ABCC1: variants seen among roughly 807,000 people sequenced by gnomAD.
ABCC1 encodes the protein ATP binding cassette subfamily C member 1 (ABCC1 blood group).
ABCC1 carries 83 observed loss-of-function variants against 172.9 expected under a neutral mutation model. That is an observed-to-expected ratio of 0.48 (90% CI 0.40 to 0.58). The LOEUF is 0.58. Among genes scored for constraint, ABCC1 ranks in the 20% least tolerant of loss-of-function variants. The probability of loss-of-function intolerance (pLI) is 0.00; values close to 1 mark genes in which losing one functional copy is unlikely to be tolerated. For synonymous variants in ABCC1, 937 were observed against 825.2 expected (o/e 1.14, Z -2.32); for missense variants, 1,817 against 2,002.7 (o/e 0.91, Z 1.77).
At chr16:15,998,164 C>T (rs557576771) in intron 1 of ABCC1, among the ~76,000 whole-genome samples, 104 of 52,786 alleles carry the variant, frequency 2.0e-3, no homozygotes, top group African/African-American at 6.6e-3. Context: ...CTCTGTCACC[C>T]AGGCTGGAGT....
At chr16:15,955,326 C>G (rs1353515460) in intron 1 of ABCC1, among the ~76,000 whole-genome samples, 1 of 152,128 alleles carries the variant, frequency 6.6e-6, no homozygotes, top group Non-Finnish European at 1.5e-5. Flanking sequence ...CCACTGCGCT[C>G]CAGCCTGGGT....
intron 5 of ABCC1, among the ~76,000 whole-genome samples, chr16:16,028,231 T>C (rs181522518): frequency 3.9e-5 from 6 of 152,312 alleles, no homozygotes; most frequent in African/African-American, 1.4e-4. Flanking sequence ...TTTTCCTTTG[T>C]TGCAGCTCTC....
intron 12 of ABCC1, among the ~76,000 whole-genome samples, chr16:16,057,584 C>G (rs187482722): frequency 6.8e-4 from 104 of 151,998 alleles, no homozygotes; most frequent in Non-Finnish European, 2.4e-4. Flanking sequence ...ATATTGTCCT[C>G]TCTTCCATCA....
intron 1 of ABCC1, among the ~76,000 whole-genome samples, chr16:16,005,438 C>A (rs2047493895): frequency 6.6e-6 from 1 of 151,776 alleles, no homozygotes; most frequent in Non-Finnish European, 1.5e-5. Flanking sequence ...ACCTCCGCCT[C>A]CTGGGTTCAA....
chr16:16,072,717 G>A (rs1567373124), intron 14 of ABCC1, among the ~76,000 whole-genome samples: 2 of 151,866 alleles, frequency 1.3e-5, no homozygotes, highest in African/African-American at 4.8e-5. Context: ...AGCCAGGGAT[G>A]TTGTTTGTAA....
intron 20 of ABCC1, among the ~76,000 whole-genome samples, chr16:16,103,822 C>G (rs956994491): frequency 6.6e-6 from 1 of 152,114 alleles, no homozygotes; most frequent in African/African-American, 2.4e-5. Context: ...TGGTTATGGT[C>G]CGGAATTGGT....
At chr16:16,045,762 G>A in intron 8 of ABCC1, 74 bp from the exon 9 acceptor site, 1 of 1,461,062 alleles carries the variant, frequency 6.8e-7, no homozygotes, top group East Asian at 2.3e-5. Context: ...AAGTTGCAGT[G>A]CCAACACTGA....
At chr16:16,126,763 CTTAA>C (rs1042526700) in intron 26 of ABCC1, among the ~76,000 whole-genome samples, 1 of 152,140 alleles carries the variant, frequency 6.6e-6, no homozygotes, top group African/African-American at 2.4e-5. Context: ...AAATTTTCCT[CTTAA>C]GTAAGTTGAG....
Position 16,068,081 on chromosome 16 carries a change from A to G in ABCC1, c.1678-75A>G, listed in dbSNP as rs2050181829. The G allele has an allele frequency of 9.5e-6, 15 of 1,581,172 alleles. No individual in the cohort carries two copies. The South Asian group carries it at 1.7e-4, about 18-fold the overall frequency. Reference sequence around the variant, plus strand: ...CTGGGGAGGGCCCAAGCGCGTCTCCAGGGCCTGTCACTGCTCCTAGGATGA... The same window carrying G: ...CTGGGGAGGGCCCAAGCGCGTCTCCGGGGCCTGTCACTGCTCCTAGGATGA... On this transcript the variant is annotated intron_variant, in intron 12 of 30. Transcript: ENST00000399410.
chr16:16,044,390 T>C, intron 7 of ABCC1, 60 bp from the exon 8 acceptor site: 1 of 1,443,950 alleles, frequency 6.9e-7, no homozygotes, highest in Non-Finnish European at 9.7e-7. Flanking sequence ...GCCATGTCCC[T>C]GTGGTAGGGG....
At chr16:16,122,750 G>A (rs2045227094) in intron 24 of ABCC1, among the ~76,000 whole-genome samples, 1 of 151,418 alleles carries the variant, frequency 6.6e-6, no homozygotes, top group African/African-American at 2.4e-5. Context: ...CCATCATGGT[G>A]GTGTGTGCCT....
At chr16:16,010,766 T>C (rs1267432061) in intron 3 of ABCC1, among the ~76,000 whole-genome samples, 1 of 152,216 alleles carries the variant, frequency 6.6e-6, no homozygotes, top group Non-Finnish European at 1.5e-5. Flanking sequence ...GTTCCCATCT[T>C]ACAGGTGAGG....
intron 26 of ABCC1, among the ~76,000 whole-genome samples, chr16:16,128,709 C>G (rs112725321): frequency 1.3e-5 from 2 of 152,228 alleles, no homozygotes; most frequent in African/African-American, 4.8e-5. Flanking sequence ...AAGAAAAAAT[C>G]AATACAGGGC....
intron 1 of ABCC1, among the ~76,000 whole-genome samples, chr16:15,975,029 C>T (rs886459583): frequency 3.3e-5 from 5 of 152,058 alleles, no homozygotes; most frequent in Admixed American, 6.5e-5. Context: ...TCAAGTGATC[C>T]CCCCCAGCCT....
chr16:15,966,409 TAAAAA>T (rs34914361), intron 1 of ABCC1, among the ~76,000 whole-genome samples: 3 of 138,900 alleles, frequency 2.2e-5, no homozygotes, highest in African/African-American at 8.1e-5. Context: ...GACTTTATCT[TAAAAA>T]AAAAAAAAAA....
At chr16:16,109,474 G>T (rs2152079953) in intron 21 of ABCC1, among the ~76,000 whole-genome samples, 1 of 152,312 alleles carries the variant, frequency 6.6e-6, no homozygotes, top group South Asian at 2.1e-4. Context: ...ACCGCACCCA[G>T]TCCAGATGAT....
At chr16:15,992,400 G>C (rs965703298) in intron 1 of ABCC1, among the ~76,000 whole-genome samples, 6 of 152,216 alleles carry the variant, frequency 3.9e-5, no homozygotes, top group South Asian at 4.2e-4. Context: ...AAAGGGGATG[G>C]CTGTCTTTTT....
chr16:16,135,307 A>T (rs962435487), intron 28 of ABCC1, among the ~76,000 whole-genome samples: 3 of 152,092 alleles, frequency 2.0e-5, no homozygotes, highest in Admixed American at 6.6e-5. Context: ...TTTCTCAACC[A>T]TTACCCTCCT....
At chr16:16,087,359 A>G (rs1474547131) in intron 18 of ABCC1, among the ~76,000 whole-genome samples, 1 of 152,166 alleles carries the variant, frequency 6.6e-6, no homozygotes. Flanking sequence ...AGGGGTCGGA[A>G]AATTGCCACA....
Sources: gnomAD v4.1 joint callset for allele counts (sites outside exome capture counted in the v4.1 genomes callset) on GRCh38, gnomAD v4.1.1 for gene constraint, MANE v1.5 for transcripts, NCBI Gene and HGNC (gene_info 2026-07-23, HGNC 2026-07-21) for gene names.